The following NCAM1 variants were observed in gnomAD, a reference collection of about 807,000 sequenced individuals.
NCAM1 encodes antigen recognized by monoclonal antibody 5.1H11.
In NCAM1, 14 loss-of-function variants were observed where a neutral mutation model predicts 109.8. The ratio of observed to expected loss-of-function variants is 0.13; its 90% CI spans 0.08 to 0.20. The LOEUF is 0.20. Ranked by LOEUF, NCAM1 falls within the 10% of genes least tolerant of loss-of-function variation. NCAM1 has a pLI of 1.00. For synonymous variants in NCAM1, 418 were observed against 442.9 expected, an observed-to-expected ratio of 0.94 and a Z score of 0.70; for missense variants, 774 against 1,109.9, an observed-to-expected ratio of 0.70 and a Z score of 4.30.
At chr11:113,176,077 T>C (rs994301229) in intron 1 of NCAM1, among the ~76,000 whole-genome samples, 4 of 152,176 alleles carry the variant, frequency 2.6e-5, no homozygotes, top group Admixed American at 6.5e-5. Context: ...CAGATGCTGG[T>C]GTTTTGATAC....
intron 1 of NCAM1, among the ~76,000 whole-genome samples, chr11:113,024,033 A>G (rs1447221994): frequency 6.6e-6 from 1 of 152,156 alleles, no homozygotes; most frequent in Non-Finnish European, 1.5e-5. Flanking sequence ...GGTTTTCTTC[A>G]TGGCAGGTAC....
intron 17 of NCAM1, among the ~76,000 whole-genome samples, chr11:113,261,043 C>T (rs781921628): frequency 8.5e-5 from 13 of 152,196 alleles, no homozygotes; most frequent in Non-Finnish European, 1.5e-4. Flanking sequence ...GAAGAAGGAG[C>T]TCTTCAACTG....
intron 1 of NCAM1, among the ~76,000 whole-genome samples, chr11:113,061,337 G>T (rs17114739): frequency 6.6e-6 from 1 of 152,160 alleles, no homozygotes; most frequent in African/African-American, 2.4e-5. Context: ...TACTTAACTG[G>T]AGGTTCCTTA....
intron 1 of NCAM1, among the ~76,000 whole-genome samples, chr11:113,000,947 G>C (rs35698068): frequency 6.6e-6 from 1 of 151,372 alleles, no homozygotes; most frequent in East Asian, 1.9e-4. Context: ...ACAGGATATA[G>C]GCACTTTGGT....
rs28442075 is a variant in NCAM1 at position 112,963,389 on chromosome 11, G to T, written c.52+1725G>T. ...ACCGCCCCCGCCAGCGCTCACTCTC[G>T]CGCCGCGGAATCCGGGCCTGAGCGC... On this transcript the variant is annotated intron_variant, in intron 1 of 19. Coordinates refer to ENST00000316851, the MANE Select transcript of NCAM1 (RefSeq NM_181351.5). This position sits in a 1 kb window ranked among gnomAD's most constrained non-coding sequence, Gnocchi z 4.6. 0.13 allele frequency: 19,700 copies of T among 152,288 alleles called. 1,320 individuals are homozygous for T. Among genetic ancestry groups the T allele is most frequent in the Non-Finnish European group, 0.14 (9,294 of 68,086 alleles). The allele number at this position is 152,288 out of a possible 1,614,324, so 9.4% of individuals were successfully genotyped here.
At chr11:113,238,323 G>C (rs782727371) in intron 14 of NCAM1, among the ~76,000 whole-genome samples, 6 of 152,182 alleles carry the variant, frequency 3.9e-5, no homozygotes, top group Non-Finnish European at 8.8e-5. Context: ...CATATTCTTA[G>C]AGTTGAGCAC....
intron 1 of NCAM1, among the ~76,000 whole-genome samples, chr11:113,115,585 T>A (rs1463310724): frequency 6.6e-6 from 1 of 152,226 alleles, no homozygotes; most frequent in East Asian, 1.9e-4. Flanking sequence ...AAATGGATTC[T>A]ACCATTAGCC....
intron 1 of NCAM1, among the ~76,000 whole-genome samples, chr11:113,035,995 C>T (rs538189271): frequency 7.2e-5 from 11 of 152,160 alleles, no homozygotes; most frequent in South Asian, 2.1e-4. Flanking sequence ...GTCAGCCTCA[C>T]GTCAGCATGG....
At chr11:113,195,684 T>G (rs1591406117) in intron 1 of NCAM1, among the ~76,000 whole-genome samples, 1 of 152,050 alleles carries the variant, frequency 6.6e-6, no homozygotes, top group Admixed American at 6.5e-5. Context: ...TTTGTATTTT[T>G]TTTAGTAGAG....
chr11:113,068,376 A>C (rs1555084618), intron 1 of NCAM1, among the ~76,000 whole-genome samples: 1 of 152,178 alleles, frequency 6.6e-6, no homozygotes, highest in Non-Finnish European at 1.5e-5. Context: ...GTATACTAAT[A>C]ACAGATGACC....
chr11:112,961,889 G>A (rs1311389346), intron 1 of NCAM1, among the ~76,000 whole-genome samples: 1 of 152,084 alleles, frequency 6.6e-6, no homozygotes. Context: ...AGCGCCCGGC[G>A]CCCCTCCGGC....
chr11:113,085,730 C>T (rs1411566006), intron 1 of NCAM1, among the ~76,000 whole-genome samples: 1 of 152,134 alleles, frequency 6.6e-6, no homozygotes, highest in Non-Finnish European at 1.5e-5. Context: ...TATGAGGACC[C>T]TTAAAGAAGG....
intron 1 of NCAM1, among the ~76,000 whole-genome samples, chr11:112,996,046 T>C (rs1951587976): frequency 6.6e-6 from 1 of 152,216 alleles, no homozygotes; most frequent in Non-Finnish European, 1.5e-5. Flanking sequence ...GTCCACTGTT[T>C]TGATTTTTTT....
At chr11:113,020,869 G>A (rs564114362) in intron 1 of NCAM1, among the ~76,000 whole-genome samples, 20 of 152,186 alleles carry the variant, frequency 1.3e-4, no homozygotes, top group African/African-American at 4.6e-4. Flanking sequence ...TGATTCTCCT[G>A]CCTCAGCCTC....
intron 1 of NCAM1, among the ~76,000 whole-genome samples, chr11:113,003,089 T>A (rs1951799385): frequency 6.6e-6 from 1 of 152,234 alleles, no homozygotes; most frequent in Admixed American, 6.5e-5. Context: ...CAGATCCACA[T>A]AAATACAAAC....
intron 1 of NCAM1, among the ~76,000 whole-genome samples, chr11:113,142,590 A>G (rs1941867935): frequency 6.6e-6 from 1 of 152,150 alleles, no homozygotes; most frequent in Non-Finnish European, 1.5e-5. Flanking sequence ...TGGACACAGG[A>G]ACATGTGCAA....
intron 1 of NCAM1, among the ~76,000 whole-genome samples, chr11:113,067,906 G>GTTTTTT (rs782134624): frequency 1.6e-5 from 2 of 125,434 alleles, no homozygotes; most frequent in Non-Finnish European, 1.6e-5. Flanking sequence ...CATATAACAA[G>GTTTTTT]TTTTTTTTTT....
At chr11:113,157,583 T>C (rs2136321004) in intron 1 of NCAM1, among the ~76,000 whole-genome samples, 1 of 152,290 alleles carries the variant, frequency 6.6e-6, no homozygotes, top group South Asian at 2.1e-4. Flanking sequence ...TCTATACTCC[T>C]ACACATTACT....
intron 1 of NCAM1, among the ~76,000 whole-genome samples, chr11:113,042,548 A>G (rs1325513070): frequency 6.6e-6 from 1 of 151,460 alleles, no homozygotes; most frequent in Admixed American, 6.6e-5. Flanking sequence ...GTCCTCATTG[A>G]CTCCTGAGCC....
Sources: gnomAD v4.1 joint callset for allele counts (sites outside exome capture counted in the v4.1 genomes callset) on GRCh38, gnomAD v4.1.1 for gene constraint, Gnocchi (gnomAD v3.1) non-coding constraint, MANE v1.5 for transcripts, NCBI Gene and HGNC (gene_info 2026-07-23, HGNC 2026-07-21) for gene names.